The following PIK3R6 variants were observed in gnomAD, a reference collection of about 807,000 sequenced individuals.
The protein encoded by PIK3R6 is phosphoinositide-3-kinase regulatory subunit 6, also known as phosphoinositide 3-kinase regulatory subunit 6.
In PIK3R6, 91 loss-of-function variants were observed where a neutral mutation model predicts 84.9. The observed-to-expected ratio is 1.07, with a 90% CI of 0.90 to 1.28. The LOEUF is 1.28. Among genes scored for constraint, PIK3R6 ranks in the 50% most tolerant of loss-of-function variants. The pLI is 0.00. For missense variants in PIK3R6, 996 were observed against 985.1 expected, an observed-to-expected ratio of 1.01 and a Z score of -0.15; for synonymous variants, 416 against 411.4, an observed-to-expected ratio of 1.01 and a Z score of -0.13.
intron 1 of PIK3R6, among the ~76,000 whole-genome samples, chr17:8,856,065 T>C (rs1405911188): frequency 6.6e-6 from 1 of 152,214 alleles, no homozygotes; most frequent in Non-Finnish European, 1.5e-5. Context: ...AGCCAGGCGC[T>C]AAATCCTGCA....
At chr17:8,828,502 C>A (rs1027227170) in intron 11 of PIK3R6, 65 bp downstream of exon 11, 35 of 1,559,020 alleles carry the variant, frequency 2.2e-5, no homozygotes, top group South Asian at 1.4e-4. Context: ...CCTTCACCAG[C>A]CCACGCCAGG....
At chr17:8,856,387 A>T (rs1449066061) in intron 1 of PIK3R6, among the ~76,000 whole-genome samples, 1 of 152,202 alleles carries the variant, frequency 6.6e-6, no homozygotes, top group Non-Finnish European at 1.5e-5. Context: ...GGATCACTTG[A>T]GGTCAGGAGT....
At chr17:8,845,504 G>T (rs781483587) in intron 2 of PIK3R6, among the ~76,000 whole-genome samples, 1 of 152,092 alleles carries the variant, frequency 6.6e-6, no homozygotes, top group African/African-American at 2.4e-5. Flanking sequence ...TTTAAGTGGG[G>T]TTATTTGTTT....
chr17:8,818,506 G>A (rs2087615022), intron 18 of PIK3R6, among the ~76,000 whole-genome samples: 1 of 152,106 alleles, frequency 6.6e-6, no homozygotes, highest in Non-Finnish European at 1.5e-5. Flanking sequence ...AAAATTAGCT[G>A]GGCGAGGTGG....
rs993203694 is a variant in PIK3R6 at position 8,836,941 on chromosome 17, G to C, written c.259-18C>G. 1.9e-6 allele frequency: 3 copies of C among 1,540,774 alleles called. No homozygotes were observed. In the African/African-American group the frequency reaches 4.1e-5, roughly 21 times the overall value. ...CCTGTGGCCTGGGTGAGAGGGAGGA[G>C]GGGGAGGTGAGAGGGAGGAGGTGGA... On this transcript the variant is annotated intron_variant, in intron 5 of 19. Transcript: ENST00000619866.
chr17:8,836,027 A>C (rs1232893547), intron 7 of PIK3R6, among the ~76,000 whole-genome samples: 5 of 152,160 alleles, frequency 3.3e-5, no homozygotes, highest in Admixed American at 6.5e-5. Flanking sequence ...AGGTGCCTGC[A>C]GAAGAGGGAG....
chr17:8,850,382 A>G (rs2151297212), intron 1 of PIK3R6, among the ~76,000 whole-genome samples: 1 of 152,270 alleles, frequency 6.6e-6, no homozygotes, highest in South Asian at 2.1e-4. Context: ...CTAAGCACTT[A>G]AGAAATGCCA....
At chr17:8,805,192 C>T (rs757381317) in intron 18 of PIK3R6, among the ~76,000 whole-genome samples, 2 of 152,184 alleles carry the variant, frequency 1.3e-5, no homozygotes, top group Non-Finnish European at 2.9e-5. Flanking sequence ...GCTCTAATCC[C>T]GGTTCTGCCA....
At chr17:8,822,508 C>T (rs2087771368) in intron 16 of PIK3R6, 79 bp downstream of exon 16, 1 of 1,497,544 alleles carries the variant, frequency 6.7e-7, no homozygotes, top group Non-Finnish European at 9.3e-7. Flanking sequence ...GCTCTATCTG[C>T]TTCCCTGCTT....
At chr17:8,849,085 G>A (rs2088879271) in intron 2 of PIK3R6, among the ~76,000 whole-genome samples, 1 of 91,014 alleles carries the variant, frequency 1.1e-5, no homozygotes, top group East Asian at 3.7e-4. Flanking sequence ...AAGAGTCCAG[G>A]CTTTGAAAAT....
intron 8 of PIK3R6, among the ~76,000 whole-genome samples, chr17:8,834,413 G>C (rs2088379002): frequency 6.6e-6 from 1 of 152,032 alleles, no homozygotes. Flanking sequence ...TTTATTTTTA[G>C]AGATGGGGTG....
At chr17:8,814,541 A>G (rs573473446) in intron 18 of PIK3R6, among the ~76,000 whole-genome samples, 97 of 152,240 alleles carry the variant, frequency 6.4e-4, no homozygotes, top group African/African-American at 2.3e-3. Flanking sequence ...AGGAGAGACA[A>G]CAAATAACCA....
At position 8,833,033 on chromosome 17, in the gene PIK3R6, G is replaced by T; in HGVS notation, c.658C>A (p.Arg220Ser). 1 of 1,593,504 alleles carries T rather than the reference G, an allele frequency of 6.3e-7. No homozygotes were observed. ...GCGTGGAAATAGTGCTCCAGGGTGC[G>T]GCGAGGGCTGGCCTGTTGGGGAGGG... ...LHRKLQASPR[R>S]TLEHYFHAVV... Residue 220 changes from arginine to serine, a missense_variant, in exon 9 of 20, where the codon CGC becomes AGC. Physicochemically the swap from Arg to Ser is moderately radical, Grantham distance 110. Transcript: ENST00000619866.
rs1025758209 is a variant in PIK3R6, at chr17:8,862,174, C to T, written c.-92+5355G>A. On this transcript the variant is annotated intron_variant, in intron 1 of 19. Coordinates refer to ENST00000619866, the MANE Select transcript of PIK3R6 (RefSeq NM_001010855.4). The surrounding 1 kb of genome is among the most constrained non-coding windows in gnomAD (Gnocchi z 4.3). ...GTGTCCCCTGCAGGTAAGGGGACTA[C>T]GCTATTGCATTTGTTTATTATCTGG... Among the ~76,000 whole-genome samples the T allele has an allele frequency of 2.0e-5, 3 of 152,072 alleles. No individual in the cohort carries two copies. The highest frequency in any genetic ancestry group is 2.1e-4 in the South Asian group (1 of 4,822).
At chr17:8,857,677 G>A (rs991658423) in intron 1 of PIK3R6, among the ~76,000 whole-genome samples, 2 of 152,072 alleles carry the variant, frequency 1.3e-5, no homozygotes, top group African/African-American at 4.8e-5. Context: ...TGAGGCAGGC[G>A]GATCACAAGA....
chr17:8,833,234 G>C (rs1403569272), intron 8 of PIK3R6, among the ~76,000 whole-genome samples, 189 bp from the exon 9 acceptor site: 4 of 152,260 alleles, frequency 2.6e-5, no homozygotes, highest in Non-Finnish European at 4.4e-5. Flanking sequence ...CTGCAAGTGG[G>C]GGTTCCCCTC....
chr17:8,822,929 T>G, intron 15 of PIK3R6, 67 bp downstream of exon 15: 1 of 1,312,998 alleles, frequency 7.6e-7, no homozygotes, highest in Non-Finnish European at 1.1e-6. Context: ...AGGTGAGAGG[T>G]GGAAGGATGA....
At chr17:8,841,701 G>GA (rs59502151) in intron 2 of PIK3R6, among the ~76,000 whole-genome samples, 3,273 of 142,560 alleles carry the variant, frequency 0.023, 76 homozygotes, top group African/African-American at 0.056. Flanking sequence ...GTTGACATGG[G>GA]AAAAAAAAAA....
chr17:8,829,441 CA>C (rs149834889), intron 10 of PIK3R6, among the ~76,000 whole-genome samples: 1,882 of 151,142 alleles, frequency 0.012, 20 homozygotes, highest in Non-Finnish European at 0.016. Context: ...TGGATACACA[CA>C]CTGACACGCA....
Sources: gnomAD v4.1 joint callset for allele counts (sites outside exome capture counted in the v4.1 genomes callset) on GRCh38, gnomAD v4.1.1 for gene constraint, Gnocchi (gnomAD v3.1) non-coding constraint, MANE v1.5 for transcripts, NCBI Gene and HGNC (gene_info 2026-07-23, HGNC 2026-07-21) for gene names.